CEP170: variants seen among roughly 807,000 people sequenced by gnomAD.
CEP170 encodes the protein centrosomal protein of 170 kDa.
A neutral mutation model predicts 151.9 loss-of-function variants in CEP170; 21 were observed. That is an observed-to-expected ratio of 0.14 (90% CI 0.10 to 0.20). The LOEUF is 0.20. Among genes scored for constraint, CEP170 ranks in the 10% least tolerant of loss-of-function variants. The pLI, the probability that CEP170 is intolerant of heterozygous loss-of-function variation, is 1.00. For missense variants in CEP170, 964 were observed against 1,892.9 expected (o/e 0.51, Z 9.11); for synonymous variants, 356 against 648.8 (o/e 0.55, Z 6.86).
chr1:243,185,936 C>T lies in CEP170; in HGVS notation c.1409G>A (p.Arg470Lys). ...LLRSSGSLGH[R>K]PSQEMDKMLK... ...CATTTTATCCATCTCCTGGCTTGGTCTGTGCCCAAGACTCCCTGAACTTCT... is the reference window on the plus strand; with the variant it reads ...CATTTTATCCATCTCCTGGCTTGGTTTGTGCCCAAGACTCCCTGAACTTCT... Residue 470 changes from arginine to lysine, a missense_variant, in exon 10 of 20, where the codon AGA becomes AAA. Coordinates refer to ENST00000366542, the MANE Select transcript of CEP170 (RefSeq NM_014812.3). The surrounding 1 kb of genome is among the most constrained non-coding windows in gnomAD (Gnocchi z 4.9). 6.2e-7 allele frequency: 1 copy of T among 1,613,786 alleles called. No homozygotes were observed. The highest frequency in any genetic ancestry group is 1.1e-5 in the South Asian group (1 of 91,072).
At chr1:243,230,011 A>G (rs2063588120) in intron 1 of CEP170, among the ~76,000 whole-genome samples, 2 of 152,020 alleles carry the variant, frequency 1.3e-5, no homozygotes, top group Admixed American at 1.3e-4. Flanking sequence ...ATCCCTGGAG[A>G]GTGGAAGGAT....
chr1:243,254,380 T>C (rs1381211827), intron 1 of CEP170: 4 of 151,948 alleles, frequency 2.6e-5, no homozygotes, highest in Admixed American at 1.3e-4. Flanking sequence ...CCTAGGACAA[T>C]GAAGCCGACA....
intron 14 of CEP170, among the ~76,000 whole-genome samples, chr1:243,152,308 G>A (rs1203492729): frequency 2.7e-5 from 4 of 149,338 alleles, no homozygotes; most frequent in Admixed American, 6.7e-5. Context: ...TGCAAGCTCC[G>A]CCTCCTGGGT....
intron 4 of CEP170, among the ~76,000 whole-genome samples, chr1:243,206,793 G>A (rs1283013441): frequency 2.0e-5 from 3 of 152,104 alleles, no homozygotes; most frequent in African/African-American, 7.2e-5. Context: ...ATAGCACAAA[G>A]GTCAAGACGA....
At chr1:243,132,554 A>T (rs2054545664) in intron 17 of CEP170, among the ~76,000 whole-genome samples, 1 of 152,226 alleles carries the variant, frequency 6.6e-6, no homozygotes, top group African/African-American at 2.4e-5. Flanking sequence ...AACATTCTGT[A>T]TTTATGTATA....
chr1:243,141,943 A>C (rs1558396606), intron 15 of CEP170, among the ~76,000 whole-genome samples: 1 of 152,218 alleles, frequency 6.6e-6, no homozygotes, highest in Non-Finnish European at 1.5e-5. Flanking sequence ...TAGTGATAAA[A>C]ATATTTTTAA....
At chr1:243,212,148 A>C (rs944485290) in intron 3 of CEP170, among the ~76,000 whole-genome samples, 184 bp from the exon 4 acceptor site, 5 of 152,216 alleles carry the variant, frequency 3.3e-5, no homozygotes, top group African/African-American at 7.2e-5. Flanking sequence ...TAAGCCTTTT[A>C]TCTCTCTTAC....
Position 243,199,247 on chromosome 1 carries a change from C to T in CEP170, c.497-53G>A. The T allele has an allele frequency of 1.9e-6, 3 of 1,577,196 alleles. No homozygotes were observed. In the Admixed American group the frequency reaches 5.5e-5, roughly 29 times the overall value. On this transcript the variant is annotated intron_variant, in intron 6 of 19. Transcript: ENST00000366542. ...AAAGCAGATGAAACAGAAAAGAATA[C>T]ACTTTCGCAGAATGCTAGAACTGCC...
intron 1 of CEP170, among the ~76,000 whole-genome samples, chr1:243,226,026 TA>T (rs2063209294): frequency 7.8e-6 from 1 of 127,544 alleles, no homozygotes; most frequent in African/African-American, 2.8e-5. Context: ...TATACACACG[TA>T]TATATATCTA....
At chr1:243,149,305 AAAG>A (rs1400231102) in intron 14 of CEP170, among the ~76,000 whole-genome samples, 1 of 152,240 alleles carries the variant, frequency 6.6e-6, no homozygotes, top group Admixed American at 6.5e-5. Context: ...CGGCAGGTTA[AAAG>A]AAGATGGTCT....
chr1:243,231,650 T>C (rs1290839136), intron 1 of CEP170, among the ~76,000 whole-genome samples: 1 of 152,120 alleles, frequency 6.6e-6, no homozygotes, highest in African/African-American at 2.4e-5. Flanking sequence ...AAGATATTAA[T>C]TGGAATCGCC....
At chr1:243,199,922 A>G (rs1453444213) in intron 6 of CEP170, among the ~76,000 whole-genome samples, 1 of 151,988 alleles carries the variant, frequency 6.6e-6, no homozygotes, top group Non-Finnish European at 1.5e-5. Context: ...GCAGACAAAC[A>G]TGAAATAATA....
At chr1:243,254,726 G>C (rs2066418137) in intron 1 of CEP170, among the ~76,000 whole-genome samples, 2 of 152,018 alleles carry the variant, frequency 1.3e-5, no homozygotes, top group South Asian at 4.2e-4. Flanking sequence ...ATGCACTTAG[G>C]GGATGCGGAG....
At chr1:243,207,396 A>T (rs1343810083) in intron 4 of CEP170, among the ~76,000 whole-genome samples, 1 of 152,190 alleles carries the variant, frequency 6.6e-6, no homozygotes, top group African/African-American at 2.4e-5. Flanking sequence ...GACAAAGCAA[A>T]AAGTTCTGCA....
chr1:243,140,729 G>T (rs372191264), intron 15 of CEP170: 1 of 152,136 alleles, frequency 6.6e-6, no homozygotes, highest in East Asian at 1.9e-4. Flanking sequence ...AAGTAACTCG[G>T]GTTTACTGAA....
At chr1:243,133,346 C>CAATG (rs1201157926) in intron 17 of CEP170, among the ~76,000 whole-genome samples, 2 of 152,254 alleles carry the variant, frequency 1.3e-5, no homozygotes. Flanking sequence ...AAAAATCATT[C>CAATG]AATGAATGAA....
At chr1:243,226,434 AAAAATAAAAC>A (rs1180490651) in intron 1 of CEP170, among the ~76,000 whole-genome samples, 10 of 151,992 alleles carry the variant, frequency 6.6e-5, no homozygotes, top group Non-Finnish European at 1.3e-4. Context: ...TCTACCTTAA[AAAAATAAAAC>A]TGGTATCAGC....
rs367813848 is a variant in CEP170 at position 243,197,635 on chromosome 1, G to C, written c.631+1425C>G. 4.5e-3 allele frequency among the ~76,000 whole-genome samples: 687 copies of C among 152,118 alleles called. 8 individuals are homozygous for C. Among genetic ancestry groups the C allele is most frequent in the African/African-American group, 0.016 (650 of 41,482 alleles). On this transcript the variant is annotated intron_variant, in intron 7 of 19. Transcript: ENST00000366542. ...TTCCTGCTACTGGCAGGCAGCCTAT[G>C]AGAGTGAGGGTAAACTCCTCAGTCT...
chr1:243,181,797 GT>G, intron 10 of CEP170, among the ~76,000 whole-genome samples: 1 of 152,198 alleles, frequency 6.6e-6, no homozygotes, highest in East Asian at 1.9e-4. Flanking sequence ...TATTCCTTTG[GT>G]TTTCTCTTAT....
Sources: allele counts gnomAD v4.1 joint callset (sites outside exome capture counted in the v4.1 genomes callset), GRCh38; gene constraint gnomAD v4.1.1; non-coding constraint Gnocchi (gnomAD v3.1); transcripts MANE v1.5; gene names NCBI Gene and HGNC (gene_info 2026-07-23, HGNC 2026-07-21).